WASF2: variants seen among roughly 807,000 people sequenced by gnomAD.
The protein encoded by WASF2 is actin-binding protein WASF2.
WASF2 carries 14 observed loss-of-function variants against 45.0 expected under a neutral mutation model. That is an observed-to-expected ratio of 0.31 (90% CI 0.21 to 0.49). The LOEUF is 0.49. WASF2 is among the 20% of genes least tolerant of loss of function. The pLI is 0.99. For missense variants in WASF2, 439 were observed against 636.1 expected (o/e 0.69, Z 3.33); for synonymous variants, 200 against 236.3 (o/e 0.85, Z 1.41).
chr1:27,487,113 T>G (rs2017940086), intron 1 of WASF2, among the ~76,000 whole-genome samples: 1 of 147,300 alleles, frequency 6.8e-6, no homozygotes, highest in East Asian at 2.0e-4. Context: ...AGAGAGATTT[T>G]TTTTTGAGAC....
At position 27,485,209 on chromosome 1, in the gene WASF2, G is replaced by A. The variant is rs560138683; in HGVS notation, c.-44+4777C>T. Among the ~76,000 whole-genome samples the A allele has an allele frequency of 5.1e-4, 78 of 151,934 alleles. 1 individual carries two copies. The highest frequency in any genetic ancestry group is 7.9e-4 in the Admixed American group (12 of 15,244). The stretch of plus-strand genomic sequence containing the variant: ...ATCTGCATTTGATTTGTTTTTCTCT[G>A]AATTATATGCAAAAAGTACAATTCT... On this transcript the variant is annotated intron_variant, in intron 1 of 8. Transcript: ENST00000618852.
At chr1:27,427,389 GTGAT>G (rs2148111179) in intron 2 of WASF2, among the ~76,000 whole-genome samples, 1 of 152,346 alleles carries the variant, frequency 6.6e-6, no homozygotes, top group South Asian at 2.1e-4. Flanking sequence ...GAACCAGTGT[GTGAT>G]TGATTGACTT....
intron 1 of WASF2, chr1:27,457,412 C>T (rs2017484141): frequency 6.6e-6 from 1 of 151,930 alleles, no homozygotes; most frequent in Non-Finnish European, 1.5e-5. Context: ...TCTGCCTCTA[C>T]AAAAACTTAC....
At chr1:27,454,187 A>ATTTTTTTTTTT (rs869057863) in intron 1 of WASF2, among the ~76,000 whole-genome samples, 2 of 12,774 alleles carry the variant, frequency 1.6e-4, no homozygotes, top group African/African-American at 2.1e-4. Flanking sequence ...ATATATATAT[A>ATTTTTTTTTTT]TTTTTTTTTT....
intron 1 of WASF2, among the ~76,000 whole-genome samples, chr1:27,468,368 T>C (rs1278243066): frequency 6.7e-6 from 1 of 150,360 alleles, no homozygotes; most frequent in Non-Finnish European, 1.5e-5. Flanking sequence ...TGACCAGGCG[T>C]AGTGGCTCAC....
intron 2 of WASF2, among the ~76,000 whole-genome samples, chr1:27,420,148 G>A (rs551734087): frequency 1.3e-4 from 19 of 151,954 alleles, no homozygotes; most frequent in Admixed American, 4.6e-4. Context: ...CAAGTGATCC[G>A]CCCACCTTGG....
intron 1 of WASF2, among the ~76,000 whole-genome samples, chr1:27,441,834 G>A (rs1489137148): frequency 1.3e-5 from 2 of 150,142 alleles, no homozygotes; most frequent in East Asian, 4.0e-4. Flanking sequence ...GCTGAGGCAT[G>A]AGAATCACTT....
intron 1 of WASF2, among the ~76,000 whole-genome samples, chr1:27,456,209 CT>C (rs1384680588): frequency 6.6e-6 from 1 of 151,654 alleles, no homozygotes; most frequent in African/African-American, 2.4e-5. Context: ...GTAGTCCCAG[CT>C]ACTCGGGAGG....
intron 1 of WASF2, among the ~76,000 whole-genome samples, chr1:27,447,949 T>C (rs1020286534): frequency 2.6e-5 from 4 of 152,224 alleles, no homozygotes; most frequent in Non-Finnish European, 5.9e-5. Context: ...GGGATTGATT[T>C]TCTAGAGAAG....
chr1:27,462,438 T>G (rs999537437), intron 1 of WASF2, among the ~76,000 whole-genome samples: 1 of 152,086 alleles, frequency 6.6e-6, no homozygotes, highest in African/African-American at 2.4e-5. Context: ...GTTCGTATCT[T>G]TTACCCGTTG....
Position 27,418,418 on chromosome 1 carries a change from T to C in WASF2, c.270A>G (p.Ser90=). The change falls in exon 4 of 9, where the codon TCA becomes TCG. Residue 90 remains serine, a synonymous_variant. Coordinates refer to ENST00000618852, the MANE Select transcript of WASF2 (RefSeq NM_006990.5). ...CTTTTCGGGTGTTGATTCCTTGCAG[T>C]GACACTGAGAGAAGATGGAAGGCGT... is the stretch of plus-strand genomic sequence containing the variant. ...TQLDPKEEEV[S]LQGINTRKAF... The C allele has an allele frequency of 6.2e-7, 1 of 1,614,218 alleles. No homozygotes were observed. Among genetic ancestry groups the C allele is most frequent in the Non-Finnish European group, 8.5e-7 (1 of 1,180,032 alleles).
chr1:27,425,075 T>G (rs1040440462), intron 2 of WASF2, among the ~76,000 whole-genome samples: 2 of 152,210 alleles, frequency 1.3e-5, no homozygotes, highest in African/African-American at 4.8e-5. Context: ...TAATTCATTC[T>G]TTTTTGCTTT....
At chr1:27,417,462 C>T (rs1171489117) in intron 4 of WASF2, among the ~76,000 whole-genome samples, 3 of 152,226 alleles carry the variant, frequency 2.0e-5, no homozygotes, top group Non-Finnish European at 2.9e-5. Flanking sequence ...TGGGTACACA[C>T]ACACACACAC....
At chr1:27,470,564 C>G (rs927886333) in intron 1 of WASF2, among the ~76,000 whole-genome samples, 11 of 150,114 alleles carry the variant, frequency 7.3e-5, no homozygotes, top group Admixed American at 4.7e-4. Flanking sequence ...GTTGGCAGAC[C>G]TATACCAGCC....
At chr1:27,428,728 G>A (rs1405651425) in intron 2 of WASF2, 33 bp downstream of exon 2, 2 of 1,613,906 alleles carry the variant, frequency 1.2e-6, no homozygotes, top group African/African-American at 1.3e-5. Flanking sequence ...AACGACCCCT[G>A]AGGGCAAAGC....
At chr1:27,489,348 TAC>T (rs10636716) in intron 1 of WASF2, among the ~76,000 whole-genome samples, 247 of 10,048 alleles carry the variant, frequency 0.025, 9 homozygotes, top group Admixed American at 0.045. Flanking sequence ...TACTTCATGG[TAC>T]ACACACACAC....
At position 27,405,468 on chromosome 1, in the gene WASF2, C is replaced by T. The variant is rs903884073; in HGVS notation, c.*2721G>A. The T allele has an allele frequency of 6.6e-6, 1 of 152,186 alleles. No homozygotes were observed. The highest frequency in any genetic ancestry group is 2.4e-5 in the African/African-American group (1 of 41,442). The allele number at this position is 152,186 out of a possible 1,614,324, so 9.4% of individuals were successfully genotyped here. A position where few individuals can be genotyped will look rare whatever the true frequency, so the allele number is the denominator to read the frequency against. On this transcript the variant is annotated 3_prime_UTR_variant, in exon 9 of 9. Transcript: ENST00000618852. Reference sequence around the variant, plus strand: ...TTAGGAGTCCTTATGGGCCATTGTTCCATACTCTCACTAGCTTAGGCCCAG... The same window carrying T: ...TTAGGAGTCCTTATGGGCCATTGTTTCATACTCTCACTAGCTTAGGCCCAG...
chr1:27,438,430 G>A (rs564331974), intron 1 of WASF2, among the ~76,000 whole-genome samples: 1 of 152,288 alleles, frequency 6.6e-6, no homozygotes, highest in Admixed American at 6.5e-5. Context: ...AATTCACCTG[G>A]CTAGCTGTGT....
chr1:27,476,160 G>C (rs779737009), intron 1 of WASF2, among the ~76,000 whole-genome samples: 18 of 152,148 alleles, frequency 1.2e-4, no homozygotes, highest in African/African-American at 4.3e-4. Flanking sequence ...TACTGTTTAC[G>C]AGGCCTTAGG....
Sources: gnomAD v4.1 joint callset for allele counts (sites outside exome capture counted in the v4.1 genomes callset) on GRCh38, gnomAD v4.1.1 for gene constraint, MANE v1.5 for transcripts, NCBI Gene and HGNC (gene_info 2026-07-23, HGNC 2026-07-21) for gene names.